The following DMD variants were observed in gnomAD, a reference collection of about 807,000 sequenced individuals.
DMD encodes the protein dystrophin.
Under a neutral mutation model 330.1 loss-of-function variants are expected in DMD, and 63 were observed. The observed-to-expected ratio is 0.19, with a 90% CI of 0.16 to 0.24. The LOEUF (loss-of-function observed/expected upper bound fraction) is 0.24. Among genes scored for constraint, DMD ranks in the 10% least tolerant of loss-of-function variants. The probability of loss-of-function intolerance (pLI) is 1.00; values close to 1 mark genes in which losing one functional copy is unlikely to be tolerated. For synonymous variants in DMD, 1,223 were observed against 959.8 expected (o/e 1.27, Z -5.07); for missense variants, 3,344 against 2,684.1 (o/e 1.25, Z -5.43).
intron 9 of DMD, among the ~76,000 whole-genome samples, chrX:32,690,576 C>G (rs371274541): frequency 9.0e-6 from 1 of 111,366 alleles, no homozygotes. Context: ...AGGTATCACA[C>G]TTCCTGATTT....
chrX:32,807,859 T>G (rs1569526116), intron 7 of DMD, among the ~76,000 whole-genome samples: 1 of 111,815 alleles, frequency 8.9e-6, no homozygotes, highest in African/African-American at 3.3e-5. Flanking sequence ...TTAAATCTTC[T>G]CTTACTGTTT....
Position 32,411,848 on chromosome X carries a change from T to C in DMD, c.4137A>G (p.Leu1379=). 1 of 1,211,002 alleles carries C rather than the reference T, an allele frequency of 8.3e-7. No homozygotes were observed. The highest frequency in any genetic ancestry group is 1.1e-6 in the Non-Finnish European group (1 of 895,091). ...IQSAQETEKS[L]HLIQESLTFI... Reference sequence around the variant, plus strand: ...ATGTGAGGGACTCCTGGATTAAGTGTAAGGATTTTTCAGTCTCCTGGGCAG... The same window carrying C: ...ATGTGAGGGACTCCTGGATTAAGTGCAAGGATTTTTCAGTCTCCTGGGCAG... Residue 1379 remains leucine, a synonymous_variant, in exon 30 of 79, where the codon TTA becomes TTG. Coordinates refer to ENST00000357033, the MANE Select transcript of DMD (RefSeq NM_004006.3).
intron 1 of DMD, among the ~76,000 whole-genome samples, chrX:33,058,184 C>A (rs1311090696): frequency 9.0e-6 from 1 of 111,707 alleles, no homozygotes; most frequent in African/African-American, 3.3e-5. Flanking sequence ...CCAGTCTATA[C>A]CGCATTTTTA....
chrX:31,271,661 AATTC>A (rs769068238), intron 62 of DMD, among the ~76,000 whole-genome samples: 5 of 111,834 alleles, frequency 4.5e-5, no homozygotes, highest in African/African-American at 1.6e-4. Context: ...ACTTTATAAA[AATTC>A]ATTTAGAGTA....
Position 32,463,493 on chromosome X carries a change from T to G in DMD, c.3378A>C (p.Arg1126Ser). ...TAAGTTCTTTGAGTTCTGTCTCAAG[T>G]CTCGAAGCAAACTCTGGCTCTGCTT... The part of the protein sequence containing the change: ...KNEAEPEFAS[R>S]LETELKELNT... The change falls in exon 25 of 79, where the codon AGA becomes AGC. Residue 1126 changes from arginine (R) to serine (S), a missense_variant. Arg to Ser is a moderately radical substitution (Grantham distance 110). Transcript: ENST00000357033. The G allele has an allele frequency of 8.3e-7, 1 of 1,207,358 alleles. No individual in the cohort carries two copies. Among genetic ancestry groups the G allele is most frequent in the African/African-American group, 1.7e-5 (1 of 57,705 alleles).
intron 9 of DMD, among the ~76,000 whole-genome samples, chrX:32,680,252 TTATGACCATGACACA>T (rs1208108086): frequency 8.1e-5 from 9 of 111,274 alleles, no homozygotes; most frequent in Non-Finnish European, 1.3e-4. Flanking sequence ...ATCATATTGA[TTATGACCATGACACA>T]TATGACCATG....
At chrX:32,530,202 G>A (rs773701458) in intron 17 of DMD, among the ~76,000 whole-genome samples, 37 of 112,187 alleles carry the variant, frequency 3.3e-4, no homozygotes, top group Non-Finnish European at 6.4e-4. Flanking sequence ...TACTTAGTAT[G>A]TTTAAAAATT....
chrX:31,718,432 T>C (rs1464194379), intron 52 of DMD, among the ~76,000 whole-genome samples: 2 of 111,239 alleles, frequency 1.8e-5, no homozygotes. Flanking sequence ...TTGATTGTTA[T>C]GGACTGAATG....
intron 12 of DMD, among the ~76,000 whole-genome samples, chrX:32,610,226 C>T (rs1480897193): frequency 1.8e-5 from 2 of 111,019 alleles, no homozygotes; most frequent in Non-Finnish European, 3.8e-5. Context: ...TCTTGGGTGC[C>T]TCAAAGCTAA....
At chrX:32,115,033 A>T (rs1041797899) in intron 44 of DMD, among the ~76,000 whole-genome samples, 2 of 112,212 alleles carry the variant, frequency 1.8e-5, no homozygotes, top group African/African-American at 6.5e-5. Flanking sequence ...TGATTCTATC[A>T]TGAAGGACTT....
intron 55 of DMD, among the ~76,000 whole-genome samples, chrX:31,606,384 T>A (rs1369617045): frequency 8.9e-6 from 1 of 112,149 alleles, no homozygotes; most frequent in Non-Finnish European, 1.9e-5. Context: ...GTGGATAAAC[T>A]GATCTTATGA....
intron 21 of DMD, among the ~76,000 whole-genome samples, chrX:32,477,455 C>T (rs1316589772): frequency 9.1e-6 from 1 of 110,242 alleles, no homozygotes; most frequent in Admixed American, 9.8e-5. Flanking sequence ...TTGTCTTTAA[C>T]TCTTAAAAGA....
rs188545802 is a variant in DMD at position 31,628,281 on chromosome X, A to C, written c.8028-419T>G. Reference sequence around the variant, plus strand: ...TTTGAGACAAACCTTTATAGTTAAAACCCTAAAATCCCTGTACCATGCTTG... The same window carrying C: ...TTTGAGACAAACCTTTATAGTTAAACCCCTAAAATCCCTGTACCATGCTTG... On this transcript the variant is annotated intron_variant, in intron 54 of 78. Coordinates refer to ENST00000357033, the MANE Select transcript of DMD (RefSeq NM_004006.3). Among the ~76,000 whole-genome samples, 44 of 110,776 alleles carry C rather than the reference A, an allele frequency of 4.0e-4. 1 individual carries two copies. The highest frequency in any genetic ancestry group is 1.4e-3 in the African/African-American group (43 of 30,505).
At position 31,501,108 on chromosome X, in the gene DMD, C is replaced by T. The variant is rs372219404; in HGVS notation, c.8391-4164G>A. Among the ~76,000 whole-genome samples, 3 of 112,193 alleles carry T rather than the reference C, an allele frequency of 2.7e-5. No individual in the cohort carries two copies. In the South Asian group the frequency reaches 1.1e-3, roughly 41 times the overall value. Reference sequence around the variant, plus strand: ...TAATCACAGGCTGTAAACTGATCAGCTCATGTCCATATAAGGCAAATGCCT... The same window carrying T: ...TAATCACAGGCTGTAAACTGATCAGTTCATGTCCATATAAGGCAAATGCCT... On this transcript the variant is annotated intron_variant, in intron 56 of 78. Transcript: ENST00000357033.
intron 7 of DMD, among the ~76,000 whole-genome samples, chrX:32,750,941 C>T (rs757750983): frequency 9.0e-6 from 1 of 111,698 alleles, no homozygotes; most frequent in African/African-American, 3.3e-5. Context: ...CCCACACAAG[C>T]TCTCTGTCTG....
chrX:31,177,400 G>A (rs2040627437), intron 71 of DMD, among the ~76,000 whole-genome samples: 1 of 111,249 alleles, frequency 9.0e-6, no homozygotes, highest in Non-Finnish European at 1.9e-5. Context: ...CAAATAGCAT[G>A]GCATAACCTG....
chrX:33,167,450 A>T (rs1297292379), intron 1 of DMD, among the ~76,000 whole-genome samples: 1 of 111,332 alleles, frequency 9.0e-6, no homozygotes, highest in Non-Finnish European at 1.9e-5. Flanking sequence ...ATTTGAAAGA[A>T]ATTAGACTTA....
intron 11 of DMD, among the ~76,000 whole-genome samples, chrX:32,618,157 A>G (rs1234497426): frequency 8.9e-6 from 1 of 112,005 alleles, no homozygotes; most frequent in African/African-American, 3.2e-5. Flanking sequence ...CAGCAATCCT[A>G]TTATTGTGTA....
intron 74 of DMD, among the ~76,000 whole-genome samples, chrX:31,161,683 T>A (rs2038827860): frequency 9.0e-6 from 1 of 111,688 alleles, no homozygotes; most frequent in Admixed American, 9.5e-5. Flanking sequence ...TAAGACATCC[T>A]TAGTTAAGAA....
Sources: allele counts gnomAD v4.1 joint callset (sites outside exome capture counted in the v4.1 genomes callset), GRCh38; gene constraint gnomAD v4.1.1; transcripts MANE v1.5; gene names NCBI Gene and HGNC (gene_info 2026-07-23, HGNC 2026-07-21).